YEATS2: variants seen among roughly 807,000 people sequenced by gnomAD.
The protein encoded by YEATS2 is YEATS domain containing 2.
A neutral mutation model predicts 163.2 loss-of-function variants in YEATS2; 77 were observed. The ratio of observed to expected loss-of-function variants is 0.47; its 90% CI spans 0.39 to 0.57. The LOEUF (loss-of-function observed/expected upper bound fraction) is 0.57. Ranked by LOEUF, YEATS2 falls within the 20% of genes least tolerant of loss-of-function variation. YEATS2 has a pLI of 0.00. For missense variants in YEATS2, 1,549 were observed against 1,729.8 expected (o/e 0.90, Z 1.85); for synonymous variants, 631 against 645.1 (o/e 0.98, Z 0.33).
intron 8 of YEATS2, among the ~76,000 whole-genome samples, chr3:183,739,193 T>C (rs1044793627): frequency 5.9e-5 from 9 of 152,104 alleles, no homozygotes; most frequent in Non-Finnish European, 1.0e-4. Context: ...GACGACATGA[T>C]TGTTTATCTA....
intron 27 of YEATS2, among the ~76,000 whole-genome samples, chr3:183,804,847 G>C (rs928299369): frequency 4.6e-5 from 7 of 152,112 alleles, no homozygotes; most frequent in African/African-American, 1.7e-4. Context: ...AATTAGCTGG[G>C]CGTGGTGGCC....
chr3:183,703,640 T>A (rs1202160846), intron 1 of YEATS2, among the ~76,000 whole-genome samples: 1 of 152,186 alleles, frequency 6.6e-6, no homozygotes, highest in Non-Finnish European at 1.5e-5. Flanking sequence ...GAAATTTTAA[T>A]TGACATTGAA....
chr3:183,764,893 A>G (rs981832147), intron 15 of YEATS2, among the ~76,000 whole-genome samples: 6 of 152,224 alleles, frequency 3.9e-5, no homozygotes, highest in Admixed American at 2.0e-4. Flanking sequence ...TTACCTGGTT[A>G]TAAGAATCAT....
intron 14 of YEATS2, 72 bp downstream of exon 14, chr3:183,761,686 A>G (rs2109348692): frequency 7.4e-7 from 1 of 1,353,616 alleles, no homozygotes. Context: ...CATTGCCACT[A>G]CCCCTACAAC....
intron 21 of YEATS2, among the ~76,000 whole-genome samples, chr3:183,795,956 A>G (rs1343971192): frequency 6.7e-6 from 1 of 150,096 alleles, no homozygotes; most frequent in Non-Finnish European, 1.5e-5. Context: ...GGTGCCTTAA[A>G]GTATCTTTAG....
At chr3:183,718,411 C>A in intron 3 of YEATS2, 89 bp from the exon 4 acceptor site, 4 of 843,248 alleles carry the variant, frequency 4.7e-6, no homozygotes, top group Non-Finnish European at 7.0e-6. Flanking sequence ...TTTTTTTTCA[C>A]TCATTCACGT....
intron 19 of YEATS2, among the ~76,000 whole-genome samples, chr3:183,778,281 A>G (rs1202413992): frequency 6.6e-6 from 1 of 152,240 alleles, no homozygotes; most frequent in Non-Finnish European, 1.5e-5. Context: ...TAAAAAAATC[A>G]AGGTATAAAT....
chr3:183,803,928 G>T, intron 26 of YEATS2, 59 bp from the exon 27 acceptor site: 3 of 1,563,904 alleles, frequency 1.9e-6, no homozygotes, highest in Non-Finnish European at 2.6e-6. Flanking sequence ...TGCATGATAC[G>T]TAGTTGTGTT....
chr3:183,789,613 G>A (rs1724409758), intron 20 of YEATS2, among the ~76,000 whole-genome samples: 2 of 128,068 alleles, frequency 1.6e-5, no homozygotes, highest in African/African-American at 3.0e-5. Flanking sequence ...TCGGCTCACT[G>A]CAACCTCCAC....
chr3:183,757,599 A>G (rs1329939208), intron 12 of YEATS2, among the ~76,000 whole-genome samples: 2 of 152,126 alleles, frequency 1.3e-5, no homozygotes, highest in Non-Finnish European at 2.9e-5. Context: ...CTGTATTTAA[A>G]CACACGCTCC....
At chr3:183,757,250 A>G (rs897008537) in intron 12 of YEATS2, among the ~76,000 whole-genome samples, 1 of 151,974 alleles carries the variant, frequency 6.6e-6, no homozygotes, top group East Asian at 1.9e-4. Context: ...ACATTATTTT[A>G]TTTATTCCCT....
At chr3:183,716,971 C>G (rs980209760) in intron 2 of YEATS2, among the ~76,000 whole-genome samples, 2 of 151,824 alleles carry the variant, frequency 1.3e-5, no homozygotes, top group African/African-American at 4.8e-5. Context: ...CGGCTCACTG[C>G]CACCTCTGCC....
chr3:183,736,757 G>A lies in YEATS2; in HGVS notation c.852G>A (p.Glu284=), dbSNP rs891087136. The change falls in exon 8 of 31, where the codon GAG becomes GAA. Residue 284 remains glutamate (E), a synonymous_variant. Transcript: ENST00000305135. ...ACCTGACCAGAAGAGGCTGGGGTGA[G>A]TTTCCCGTCAGAGTTCAAGTTCATT... ...PFHLTRRGWG[E]FPVRVQVHFK... The A allele has an allele frequency of 3.1e-6, 5 of 1,613,980 alleles. No individual in the cohort carries two copies. The highest frequency in any genetic ancestry group is 4.2e-6 in the Non-Finnish European group (5 of 1,179,944).
chr3:183,764,343 C>T (rs549421796), intron 15 of YEATS2, among the ~76,000 whole-genome samples: 104 of 143,424 alleles, frequency 7.3e-4, no homozygotes, highest in African/African-American at 2.6e-3. Context: ...TGCACTCCAG[C>T]CTGGGCAACG....
chr3:183,795,541 T>TC (rs1725068362), intron 21 of YEATS2, among the ~76,000 whole-genome samples: 1 of 144,906 alleles, frequency 6.9e-6, no homozygotes, highest in African/African-American at 2.5e-5. Context: ...CCTCAACCAG[T>TC]CCTCCCTTCT....
At chr3:183,717,569 A>G (rs762842545) in intron 2 of YEATS2, 82 bp from the exon 3 acceptor site, 4 of 1,059,300 alleles carry the variant, frequency 3.8e-6, no homozygotes, top group Non-Finnish European at 5.5e-6. Context: ...TATTTCTTGG[A>G]TTTCTTTTGT....
intron 17 of YEATS2, 123 bp from the exon 18 acceptor site, chr3:183,775,792 G>C: frequency 6.9e-7 from 1 of 1,459,644 alleles, no homozygotes; most frequent in East Asian, 2.3e-5. Context: ...AAAGACGGAG[G>C]AAAATGGGAA....
intron 13 of YEATS2, among the ~76,000 whole-genome samples, chr3:183,760,939 G>A (rs377762995): frequency 3.9e-4 from 59 of 152,282 alleles, no homozygotes; most frequent in African/African-American, 1.3e-3. Flanking sequence ...CCAAATGTTA[G>A]GGGTAGTAAG....
intron 19 of YEATS2, among the ~76,000 whole-genome samples, chr3:183,783,820 A>G (rs1723803233): frequency 6.6e-6 from 1 of 152,186 alleles, no homozygotes; most frequent in African/African-American, 2.4e-5. Flanking sequence ...GCTATTGTGA[A>G]TAGTGCAGTG....
Sources: allele counts gnomAD v4.1 joint callset (sites outside exome capture counted in the v4.1 genomes callset), GRCh38; gene constraint gnomAD v4.1.1; transcripts MANE v1.5; gene names NCBI Gene and HGNC (gene_info 2026-07-23, HGNC 2026-07-21).